PLXDC2: variants seen among roughly 807,000 people sequenced by gnomAD.
PLXDC2 encodes plexin domain containing 2, also known as plexin domain-containing protein 2.
A neutral mutation model predicts 68.9 loss-of-function variants in PLXDC2; 40 were observed. The observed-to-expected ratio is 0.58, with a 90% CI of 0.45 to 0.76. The LOEUF is 0.76. PLXDC2 is among the 30% of genes least tolerant of loss of function. PLXDC2 has a pLI of 0.00. For synonymous variants in PLXDC2, 243 were observed against 234.2 expected (o/e 1.04, Z -0.34); for missense variants, 644 against 661.9 (o/e 0.97, Z 0.30).
intron 4 of PLXDC2, among the ~76,000 whole-genome samples, chr10:20,094,550 T>A (rs1290364445): frequency 1.2e-5 from 1 of 82,830 alleles, no homozygotes; most frequent in South Asian, 6.9e-4. Flanking sequence ...AGTTTGTTTT[T>A]CATTATTTTT....
In PLXDC2 at chr10:19,885,818, G is replaced by T. The variant is rs543866031; in HGVS notation, c.112+68627G>T. ...CTCCAGCTTTGTTCTTTTGGCTTAG[G>T]ATTGACTTGGCGATGCAGGCTCTTT... On this transcript the variant is annotated intron_variant, in intron 1 of 13. Transcript: ENST00000377252. Among the ~76,000 whole-genome samples, 532 of 152,260 alleles carry T rather than the reference G, an allele frequency of 3.5e-3. 4 individuals are homozygous for T. Among genetic ancestry groups the T allele is most frequent in the African/African-American group, 0.012 (518 of 41,544 alleles).
At chr10:19,940,175 A>T (rs925448244) in intron 1 of PLXDC2, among the ~76,000 whole-genome samples, 1 of 152,004 alleles carries the variant, frequency 6.6e-6, no homozygotes, top group Non-Finnish European at 1.5e-5. Flanking sequence ...ATTTAATGTC[A>T]TACTAATTCT....
chr10:20,284,896 ATTG>A lies in PLXDC2; in HGVS notation c.*5081_*5083del, dbSNP rs1836131875. The A allele has an allele frequency of 6.6e-6, 1 of 152,160 alleles. No individual in the cohort carries two copies. Among genetic ancestry groups the A allele is most frequent in the African/African-American group, 2.4e-5 (1 of 41,426 alleles). 9.4% of individuals were successfully genotyped at this position (152,160 alleles called of 1,614,324 possible). On this transcript the variant is annotated 3_prime_UTR_variant, in exon 14 of 14. Coordinates refer to ENST00000377252, the MANE Select transcript of PLXDC2 (RefSeq NM_032812.9). ...TTTTTGCTGACTTAAGGAGGCTGCT[ATTG>A]TTGCAATATCCAGAGATTTCAAGTT...
At chr10:19,949,982 C>G (rs1251122568) in intron 1 of PLXDC2, among the ~76,000 whole-genome samples, 1 of 152,126 alleles carries the variant, frequency 6.6e-6, no homozygotes, top group Non-Finnish European at 1.5e-5. Context: ...GTGATACTTT[C>G]CCTTAATAAA....
chr10:19,870,638 C>A (rs915696272), intron 1 of PLXDC2, among the ~76,000 whole-genome samples: 2 of 152,078 alleles, frequency 1.3e-5, no homozygotes, highest in Admixed American at 6.6e-5. Context: ...GTTGGCCAGG[C>A]TGGTCTTGAA....
chr10:20,197,324 A>G (rs1203974712), intron 9 of PLXDC2, among the ~76,000 whole-genome samples: 3 of 152,110 alleles, frequency 2.0e-5, no homozygotes, highest in Non-Finnish European at 4.4e-5. Flanking sequence ...GCTTCAGATT[A>G]TTATTTATCT....
intron 2 of PLXDC2, among the ~76,000 whole-genome samples, chr10:20,009,738 C>T (rs894108604): frequency 1.3e-5 from 2 of 148,718 alleles, no homozygotes; most frequent in Non-Finnish European, 3.0e-5. Flanking sequence ...CAAGGTCATA[C>T]TAGATAGCGT....
chr10:20,057,922 T>TA (rs11343734), intron 3 of PLXDC2, among the ~76,000 whole-genome samples: 32 of 148,836 alleles, frequency 2.2e-4, no homozygotes, highest in Admixed American at 3.4e-4. Flanking sequence ...GAATCTGCAT[T>TA]AAAAAAAAAA....
rs79948218 is a variant in PLXDC2 at position 19,989,236 on chromosome 10, G to A, written c.113-12539G>A. Among the ~76,000 whole-genome samples, 1,261 of 152,248 alleles carry A rather than the reference G, an allele frequency of 8.3e-3. 18 individuals are homozygous for A. Among genetic ancestry groups the A allele is most frequent in the African/African-American group, 0.029 (1,210 of 41,546 alleles). On this transcript the variant is annotated intron_variant, in intron 1 of 13. Coordinates refer to ENST00000377252, the MANE Select transcript of PLXDC2 (RefSeq NM_032812.9). ...GCAAAAGTTTGTAAAGTACGTTTTG[G>A]AGCTTACCTTATAAAATGTGGTATG...
chr10:20,049,733 C>T (rs1246536137), intron 3 of PLXDC2, among the ~76,000 whole-genome samples: 4 of 151,980 alleles, frequency 2.6e-5, no homozygotes, highest in African/African-American at 9.7e-5. Flanking sequence ...TGGAAAAAAA[C>T]ATCTCATGCT....
chr10:20,032,916 T>C (rs1225753001), intron 2 of PLXDC2, among the ~76,000 whole-genome samples: 1 of 151,568 alleles, frequency 6.6e-6, no homozygotes, highest in African/African-American at 2.4e-5. Context: ...ACGTGATTAA[T>C]CATTTTCTTA....
intron 9 of PLXDC2, among the ~76,000 whole-genome samples, chr10:20,185,381 A>G (rs1314208912): frequency 6.6e-6 from 1 of 151,824 alleles, no homozygotes; most frequent in Non-Finnish European, 1.5e-5. Flanking sequence ...AGTTTTGCCT[A>G]CTTGTTCACC....
At chr10:20,015,399 T>G (rs1435430791) in intron 2 of PLXDC2, among the ~76,000 whole-genome samples, 1 of 152,226 alleles carries the variant, frequency 6.6e-6, no homozygotes, top group East Asian at 1.9e-4. Context: ...TGTATGTATA[T>G]GTATGTGCAT....
chr10:20,230,334 T>G (rs957190687), intron 12 of PLXDC2, among the ~76,000 whole-genome samples: 4 of 151,928 alleles, frequency 2.6e-5, no homozygotes, highest in African/African-American at 9.7e-5. Context: ...AGGCTTAAAT[T>G]AGATTTAAAG....
chr10:20,227,212 A>G (rs923654375), intron 12 of PLXDC2, among the ~76,000 whole-genome samples: 1 of 152,184 alleles, frequency 6.6e-6, no homozygotes, highest in African/African-American at 2.4e-5. Flanking sequence ...GCAAAGATCT[A>G]CATGGTCTGA....
At chr10:19,830,080 T>TA (rs1185261902) in intron 1 of PLXDC2, among the ~76,000 whole-genome samples, 16 of 152,176 alleles carry the variant, frequency 1.1e-4, no homozygotes, top group African/African-American at 3.4e-4. Flanking sequence ...ATTCCATAGT[T>TA]AAAAATGATA....
intron 8 of PLXDC2, 44 bp from the exon 9 acceptor site, chr10:20,177,284 G>A (rs764965476): frequency 1.3e-6 from 2 of 1,484,884 alleles, no homozygotes; most frequent in Non-Finnish European, 1.9e-6. Flanking sequence ...TCCCCTCCAA[G>A]TTGCCTGTTA....
intron 2 of PLXDC2, among the ~76,000 whole-genome samples, chr10:20,009,159 C>A (rs1589583273): frequency 6.6e-6 from 1 of 152,284 alleles, no homozygotes. Flanking sequence ...AAGACATCAT[C>A]CCATTTCACA....
chr10:20,099,391 A>G (rs1345426315), intron 4 of PLXDC2, among the ~76,000 whole-genome samples: 1 of 152,188 alleles, frequency 6.6e-6, no homozygotes, highest in African/African-American at 2.4e-5. Flanking sequence ...TGCAAAACTA[A>G]TATCTGCCTG....
Sources: allele counts gnomAD v4.1 joint callset (sites outside exome capture counted in the v4.1 genomes callset), GRCh38; gene constraint gnomAD v4.1.1; transcripts MANE v1.5; gene names NCBI Gene and HGNC (gene_info 2026-07-23, HGNC 2026-07-21).